The following SERPINB3 variants were observed in gnomAD, a reference collection of about 807,000 sequenced individuals.
SERPINB3 encodes serpin family B member 3, also known as serpin B3.
In SERPINB3, 33 loss-of-function variants were observed where a neutral mutation model predicts 33.0. The observed-to-expected ratio is 1.00, with a 90% confidence interval of 0.76 to 1.34. SERPINB3 has a LOEUF of 1.34. Among genes scored for constraint, SERPINB3 ranks in the 40% most tolerant of loss-of-function variants. The pLI, the probability that SERPINB3 is intolerant of heterozygous loss-of-function variation, is 0.00. For synonymous variants in SERPINB3, 200 were observed against 170.9 expected, an observed-to-expected ratio of 1.17 and a Z score of -1.33; for missense variants, 518 against 461.5, an observed-to-expected ratio of 1.12 and a Z score of -1.12.
At chr18:63,657,773 T>TC in intron 5 of SERPINB3, among the ~76,000 whole-genome samples, 1 of 85,760 alleles carries the variant, frequency 1.2e-5, no homozygotes, top group East Asian at 2.7e-4. Flanking sequence ...TCTTCCTACT[T>TC]TTTTTTTTTT....
Position 63,658,593 on chromosome 18 carries a change from C to T in SERPINB3, c.389G>A (p.Ser130Asn). 1.2e-6 allele frequency: 2 copies of T among 1,613,046 alleles called. 1 individual carries two copies. The highest frequency in any genetic ancestry group is 1.7e-6 in the Non-Finnish European group (2 of 1,179,284). Residue 130 changes from serine (S) to asparagine (N), a missense_variant, in exon 5 of 8, where the codon AGT becomes AAT. By Grantham distance (46) the Ser-to-Asn change is conservative. Transcript: ENST00000283752. ...LDAIKKFYQTSVESVDFANAP... is the reference protein window; with the variant it reads ...LDAIKKFYQTNVESVDFANAP... Reference sequence around the variant, plus strand: ...ATTTGCAAAATCAACAGATTCCACACTGGTCTGGTAAAATTTCTTGATGGC... The same window carrying T: ...ATTTGCAAAATCAACAGATTCCACATTGGTCTGGTAAAATTTCTTGATGGC...
chr18:63,659,885 T>C (rs927388514), intron 3 of SERPINB3, among the ~76,000 whole-genome samples: 2 of 152,178 alleles, frequency 1.3e-5, no homozygotes, highest in Non-Finnish European at 2.9e-5. Flanking sequence ...CTAACAGTCA[T>C]CAAGGATATG....
chr18:63,659,505 T>G lies in SERPINB3; in HGVS notation c.245A>C (p.His82Pro). The G allele has an allele frequency of 1.2e-6, 2 of 1,613,622 alleles. No individual in the cohort carries two copies. The highest frequency in any genetic ancestry group is 1.7e-6 in the Non-Finnish European group (2 of 1,179,656). Residue 82 changes from histidine to proline, a missense_variant, in exon 4 of 8, where the codon CAT becomes CCT. Coordinates refer to ENST00000283752, the MANE Select transcript of SERPINB3 (RefSeq NM_006919.3). ...TYHVDRSGNVHHQFQKLLTEF... is the reference protein window; with the variant it reads ...TYHVDRSGNVPHQFQKLLTEF... ...AGTCAGAAGCTTTTGAAACTGGTGA[T>G]GAACATTTCCTGACCTATCAACCTT...
rs1403857228 is a variant in SERPINB3, at chr18:63,659,463, G to A, written c.287C>T (p.Thr96Ile). Residue 96 changes from threonine (T) to isoleucine (I), a missense_variant, in exon 4 of 8, where the codon ACT becomes ATT. By Grantham distance (89) the Thr-to-Ile change is moderately conservative. Transcript: ENST00000283752. ...QKLLTEFNKS[T>I]DAYELKIANK... ...GGCGATCTTCAGCTCATATGCATCA[G>A]TGGATTTGTTGAATTCAGTCAGAAG... is the stretch of plus-strand genomic sequence containing the variant. The A allele has an allele frequency of 1.9e-6, 3 of 1,613,648 alleles. No individual in the cohort carries two copies. The highest frequency in any genetic ancestry group is 2.5e-6 in the Non-Finnish European group (3 of 1,179,698).
rs145324165 is a variant in SERPINB3 at position 63,661,102 on chromosome 18, C to G, written c.115G>C (p.Gly39Arg). ...TCTTTGGCTCCTAAGAGGACCATCC[C>G]TAATGCTGATGTGATGCTGATAGGG... The part of the protein sequence containing the change: ...YSPISITSAL[G>R]MVLLGAKDNT... The change falls in exon 2 of 8, where the codon GGG becomes CGG. Residue 39 changes from glycine to arginine, a missense_variant. By Grantham distance (125) the Gly-to-Arg change is moderately radical. Transcript: ENST00000283752. The G allele has an allele frequency of 1.1e-5, 18 of 1,613,490 alleles. No homozygotes were observed. In the African/African-American group the frequency reaches 2.3e-4, roughly 20 times the overall value.
chr18:63,661,596 C>A (rs948632452), intron 1 of SERPINB3, among the ~76,000 whole-genome samples: 3 of 151,844 alleles, frequency 2.0e-5, no homozygotes, highest in African/African-American at 7.3e-5. Context: ...GCGTCCCTGA[C>A]ATCTCCTTCA....
chr18:63,658,760 G>T, intron 4 of SERPINB3, 130 bp from the exon 5 acceptor site: 1 of 710,440 alleles, frequency 1.4e-6, no homozygotes, highest in Non-Finnish European at 2.3e-6. Context: ...TCCTGTCCAT[G>T]CATATTTTTA....
intron 5 of SERPINB3, 135 bp from the exon 6 acceptor site, chr18:63,657,547 T>G: frequency 1.4e-6 from 1 of 721,206 alleles, no homozygotes; most frequent in East Asian, 3.0e-5. Flanking sequence ...CTTTGATCTT[T>G]GAATTGTTAG....
intron 5 of SERPINB3, 152 bp from the exon 6 acceptor site, chr18:63,657,564 T>C: frequency 1.6e-6 from 1 of 626,064 alleles, no homozygotes; most frequent in South Asian, 3.2e-5. Flanking sequence ...TTAGACTCAC[T>C]GACCAGTGGT....
intron 4 of SERPINB3, 78 bp downstream of exon 4, chr18:63,659,321 T>A: frequency 6.6e-7 from 1 of 1,503,804 alleles, no homozygotes; most frequent in Non-Finnish European, 9.2e-7. Context: ...CTCATCTGCC[T>A]TGCTTTCTTC....
chr18:63,657,848 A>T (rs1038098492), intron 5 of SERPINB3, among the ~76,000 whole-genome samples: 2 of 149,894 alleles, frequency 1.3e-5, no homozygotes, highest in Non-Finnish European at 3.0e-5. Flanking sequence ...GACAAGTGAC[A>T]TGAGCTCTGT....
intron 4 of SERPINB3, 82 bp downstream of exon 4, chr18:63,659,317 T>C (rs780745808): frequency 7.1e-5 from 105 of 1,477,076 alleles, no homozygotes; most frequent in Non-Finnish European, 9.9e-5. Context: ...CAGGCTCATC[T>C]GCCTTGCTTT....
intron 3 of SERPINB3, 146 bp downstream of exon 3, chr18:63,660,654 G>T (rs1176063488): frequency 8.6e-6 from 8 of 932,126 alleles, no homozygotes; most frequent in African/African-American, 5.0e-5. Flanking sequence ...TATGTGCCAT[G>T]AAATGCCAAC....
intron 3 of SERPINB3, among the ~76,000 whole-genome samples, chr18:63,660,105 C>T (rs1433972174): frequency 2.6e-5 from 4 of 152,080 alleles, no homozygotes; most frequent in Admixed American, 6.6e-5. Flanking sequence ...CAGGTGAAAA[C>T]AAGAAAGCTC....
intron 5 of SERPINB3, 73 bp from the exon 6 acceptor site, chr18:63,657,485 T>C (rs370981026): frequency 2.3e-6 from 3 of 1,282,200 alleles, no homozygotes; most frequent in Middle Eastern, 2.1e-4. Context: ...TTTGCAAATG[T>C]TCGTGACTGA....
chr18:63,660,466 A>C (rs4048368), intron 3 of SERPINB3, among the ~76,000 whole-genome samples: 45,273 of 151,602 alleles, frequency 0.3, 7,075 homozygotes, highest in East Asian at 0.61. Context: ...CAGATTTCTT[A>C]TTACCCTTAG....
At position 63,655,774 on chromosome 18, in the gene SERPINB3, G is replaced by T. The variant is rs369697963; in HGVS notation, c.1056C>A (p.Phe352Leu). Residue 352 changes from phenylalanine to leucine, a missense_variant, in exon 8 of 8, where the codon TTC becomes TTA. By Grantham distance (22) the Phe-to-Leu change is conservative. Coordinates refer to ENST00000283752, the MANE Select transcript of SERPINB3 (RefSeq NM_006919.3). Reference protein sequence around the residue: ...EAAAATAVVGFGSSPTSTNEE... With the variant: ...EAAAATAVVGLGSSPTSTNEE... ...CATTAGTTGAAGTAGGTGATGATCC[G>T]AATCCTACTACAGCGGTGGCAGCTG... 6.2e-7 allele frequency: 1 copy of T among 1,609,818 alleles called. No individual in the cohort carries two copies. The highest frequency in any genetic ancestry group is 8.5e-7 in the Non-Finnish European group (1 of 1,179,874).
rs752413507 is a variant in SERPINB3 at position 63,661,172 on chromosome 18, C to G, written c.45G>C (p.Leu15=). ...SEANTKFMFD[L]FQQFRKSKEN... is the part of the protein sequence containing the mutation. ...CTTTTGATTTTCTGAACTGTTGGAACAGGTCGAACATGAACTTGGTGTTGG... is the reference window on the plus strand; with the variant it reads ...CTTTTGATTTTCTGAACTGTTGGAAGAGGTCGAACATGAACTTGGTGTTGG... The change falls in exon 2 of 8, where the codon CTG becomes CTC. Residue 15 remains leucine (L), a synonymous_variant. Coordinates refer to ENST00000283752, the MANE Select transcript of SERPINB3 (RefSeq NM_006919.3). 2 of 1,613,606 alleles carry G rather than the reference C, an allele frequency of 1.2e-6. No individual in the cohort carries two copies. The highest frequency in any genetic ancestry group is 1.7e-6 in the Non-Finnish European group (2 of 1,179,626).
chr18:63,660,710 A>G, intron 3 of SERPINB3, 90 bp downstream of exon 3: 1 of 1,544,932 alleles, frequency 6.5e-7, no homozygotes, highest in Non-Finnish European at 8.9e-7. Flanking sequence ...TTCCCTAAAA[A>G]TGGCCTTTTC....
Sources: allele counts gnomAD v4.1 joint callset (sites outside exome capture counted in the v4.1 genomes callset), GRCh38; gene constraint gnomAD v4.1.1; transcripts MANE v1.5; gene names NCBI Gene and HGNC (gene_info 2026-07-23, HGNC 2026-07-21).